The following CNTN4 variants were observed in gnomAD, a reference collection of about 807,000 sequenced individuals.
CNTN4 encodes the protein contactin 4.
Under a neutral mutation model 122.5 loss-of-function variants are expected in CNTN4, and 77 were observed. The ratio of observed to expected loss-of-function variants is 0.63; its 90% CI spans 0.52 to 0.76. The LOEUF is 0.76. Ranked by LOEUF, CNTN4 falls within the 30% of genes least tolerant of loss-of-function variation. The pLI is 0.00. For missense variants in CNTN4, 1,256 were observed against 1,259.1 expected (o/e 1.00, Z 0.04); for synonymous variants, 512 against 447.0 (o/e 1.15, Z -1.83).
intron 2 of CNTN4, among the ~76,000 whole-genome samples, chr3:2,222,875 T>A (rs1212916231): frequency 6.6e-6 from 1 of 152,184 alleles, no homozygotes; most frequent in Non-Finnish European, 1.5e-5. Context: ...TTACCACCAT[T>A]ATGTTTGTCC....
At chr3:2,463,753 C>T (rs999405806) in intron 3 of CNTN4, among the ~76,000 whole-genome samples, 4 of 148,516 alleles carry the variant, frequency 2.7e-5, no homozygotes, top group African/African-American at 7.3e-5. Flanking sequence ...AGCAAAACTC[C>T]GTCTCAAAAA....
chr3:2,567,735 G>A (rs1383931764), intron 3 of CNTN4, among the ~76,000 whole-genome samples: 1 of 152,156 alleles, frequency 6.6e-6, no homozygotes, highest in African/African-American at 2.4e-5. Context: ...GGTTCTCACA[G>A]CTTCTTGCCA....
At chr3:2,434,758 G>C (rs1203319777) in intron 3 of CNTN4, among the ~76,000 whole-genome samples, 1 of 152,086 alleles carries the variant, frequency 6.6e-6, no homozygotes, top group African/African-American at 2.4e-5. Context: ...TTTTGTGACA[G>C]ACTCAAAGAC....
At chr3:2,697,702 T>G (rs1487398900) in intron 4 of CNTN4, among the ~76,000 whole-genome samples, 1 of 152,096 alleles carries the variant, frequency 6.6e-6, no homozygotes, top group Non-Finnish European at 1.5e-5. Flanking sequence ...ACCGATACGA[T>G]GCATAGAGAG....
chr3:2,716,435 C>T (rs148323501), intron 4 of CNTN4, among the ~76,000 whole-genome samples: 1 of 151,912 alleles, frequency 6.6e-6, no homozygotes, highest in Non-Finnish European at 1.5e-5. Flanking sequence ...CTGTCTTAGT[C>T]AGCTAGAGCT....
intron 2 of CNTN4, among the ~76,000 whole-genome samples, chr3:2,208,244 C>G (rs1237450312): frequency 1.3e-5 from 2 of 152,006 alleles, no homozygotes; most frequent in African/African-American, 4.8e-5. Flanking sequence ...AAGGAGGAGC[C>G]CAAAACAGCA....
chr3:2,652,015 G>T (rs989620442), intron 4 of CNTN4, among the ~76,000 whole-genome samples: 4 of 151,594 alleles, frequency 2.6e-5, no homozygotes, highest in Non-Finnish European at 4.4e-5. Flanking sequence ...CCAAAAAAAA[G>T]GTGTTGTTTT....
rs144508716 is a variant in CNTN4, at chr3:2,673,596, A to G, written c.56-62619A>G. On this transcript the variant is annotated intron_variant, in intron 4 of 24. Transcript: ENST00000418658. ...CATTCTGTCGCCCAGGCTGGAGTGC[A>G]GTGGCGTGATCTCGGCTCACTGCAA... Among the ~76,000 whole-genome samples, 256 of 152,184 alleles carry G rather than the reference A, an allele frequency of 1.7e-3. 2 individuals are homozygous for G. Among genetic ancestry groups the G allele is most frequent in the African/African-American group, 6.1e-3 (253 of 41,532 alleles).
chr3:2,555,868 G>C (rs1347619847), intron 3 of CNTN4, among the ~76,000 whole-genome samples: 1 of 152,164 alleles, frequency 6.6e-6, no homozygotes, highest in Non-Finnish European at 1.5e-5. Context: ...GAATGGCCTG[G>C]AGGGGCACAC....
At chr3:2,449,929 C>T (rs561519923) in intron 3 of CNTN4, among the ~76,000 whole-genome samples, 3 of 152,152 alleles carry the variant, frequency 2.0e-5, no homozygotes, top group Non-Finnish European at 4.4e-5. Flanking sequence ...GATGCAGTTG[C>T]TAGAGAATGG....
At chr3:2,682,922 C>T (rs1254461605) in intron 4 of CNTN4, among the ~76,000 whole-genome samples, 6 of 132,538 alleles carry the variant, frequency 4.5e-5, no homozygotes, top group African/African-American at 1.7e-4. Context: ...TTTTCTCTGC[C>T]GCCAGCATCC....
rs570007242 is a variant in CNTN4, at chr3:2,384,905, A to G, written c.-89+45672A>G. ...TTTTTGTTAGTGCACTGCCTTAAGC[A>G]ATATTCTTTTTTAAAACATTGGTTT... On this transcript the variant is annotated intron_variant, in intron 3 of 24. Transcript: ENST00000418658. Among the ~76,000 whole-genome samples, 104 of 151,782 alleles carry G rather than the reference A, an allele frequency of 6.9e-4. No individual in the cohort carries two copies. In the South Asian group the frequency reaches 7.9e-3, roughly 12 times the overall value.
intron 2 of CNTN4, among the ~76,000 whole-genome samples, chr3:2,236,092 C>T (rs1348360314): frequency 1.3e-5 from 2 of 152,048 alleles, no homozygotes; most frequent in Non-Finnish European, 2.9e-5. Context: ...ATATAAGGTA[C>T]TATAAGTTGT....
intron 14 of CNTN4, among the ~76,000 whole-genome samples, chr3:3,003,684 C>CAAAAAAAA (rs58290160): frequency 5.4e-3 from 418 of 76,926 alleles, no homozygotes; most frequent in East Asian, 9.5e-3. Flanking sequence ...ATGGTTGCAC[C>CAAAAAAAA]AAAAAAAAAA....
chr3:2,485,475 A>G (rs1184390129), intron 3 of CNTN4, among the ~76,000 whole-genome samples: 1 of 152,192 alleles, frequency 6.6e-6, no homozygotes, highest in Non-Finnish European at 1.5e-5. Flanking sequence ...TAAATGCACC[A>G]ATTAGCATTC....
chr3:2,605,747 C>T (rs1312185760), intron 4 of CNTN4, among the ~76,000 whole-genome samples: 1 of 152,154 alleles, frequency 6.6e-6, no homozygotes, highest in African/African-American at 2.4e-5. Context: ...AGATGCCATT[C>T]ATTTATACCA....
chr3:2,208,687 A>G (rs939043962), intron 2 of CNTN4, among the ~76,000 whole-genome samples: 21 of 152,136 alleles, frequency 1.4e-4, no homozygotes, highest in African/African-American at 4.3e-4. Flanking sequence ...GGAAGGGTCT[A>G]TCTATGCAGC....
chr3:2,312,615 T>G lies in CNTN4; in HGVS notation c.-144-26563T>G, dbSNP rs947490552. ...GACATCCATTGTGACACAGATGGTT[T>G]GGTCCTTTCCAATAATAAAAAAAAT... On this transcript the variant is annotated intron_variant, in intron 2 of 24. Coordinates refer to ENST00000418658, the MANE Select transcript of CNTN4 (RefSeq NM_175607.3). 7.9e-5 allele frequency among the ~76,000 whole-genome samples: 12 copies of G among 152,210 alleles called. 1 individual carries two copies. The South Asian group carries it at 2.1e-3, about 26-fold the overall frequency.
Position 3,042,428 on chromosome 3 carries a change from C to T in CNTN4, c.2511+6C>T, listed in dbSNP as rs774936425. 2 of 1,566,530 alleles carry T rather than the reference C, an allele frequency of 1.3e-6. No homozygotes were observed. The highest frequency in any genetic ancestry group is 2.2e-5 in the East Asian group (1 of 44,664). ...GACGAATACAAGGTTATGAGGTAGGCAAGACATATGTGCCTTGGGTCTGAA... is the reference window on the plus strand; with the variant it reads ...GACGAATACAAGGTTATGAGGTAGGTAAGACATATGTGCCTTGGGTCTGAA... On this transcript the variant is annotated splice_donor_region_variant and intron_variant, in intron 21 of 24. Transcript: ENST00000418658.
Sources: allele counts gnomAD v4.1 joint callset (sites outside exome capture counted in the v4.1 genomes callset), GRCh38; gene constraint gnomAD v4.1.1; transcripts MANE v1.5; gene names NCBI Gene and HGNC (gene_info 2026-07-23, HGNC 2026-07-21).